HS6ST2: variants seen among roughly 807,000 people sequenced by gnomAD.
HS6ST2 encodes heparan-sulfate 6-O-sulfotransferase 2.
A neutral mutation model predicts 33.0 loss-of-function variants in HS6ST2; 17 were observed. That is an observed-to-expected ratio of 0.52 (90% CI 0.35 to 0.77). The LOEUF (loss-of-function observed/expected upper bound fraction) is 0.77, where lower values mean the gene tolerates loss of function less well. Among genes scored for constraint, HS6ST2 ranks in the 30% least tolerant of loss-of-function variants. HS6ST2 has a pLI of 0.01. For synonymous variants in HS6ST2, 248 were observed against 237.1 expected, an observed-to-expected ratio of 1.05 and a Z score of -0.42; for missense variants, 519 against 551.7, an observed-to-expected ratio of 0.94 and a Z score of 0.59.
At chrX:132,881,420 G>A (rs1326045880) in intron 2 of HS6ST2, among the ~76,000 whole-genome samples, 1 of 111,931 alleles carries the variant, frequency 8.9e-6, no homozygotes, top group Non-Finnish European at 1.9e-5. Context: ...CTGCATAAAT[G>A]TCTTCTTTTG....
At chrX:132,797,671 T>A (rs1271263059) in intron 2 of HS6ST2, among the ~76,000 whole-genome samples, 1 of 110,527 alleles carries the variant, frequency 9.0e-6, no homozygotes, top group African/African-American at 3.3e-5. Flanking sequence ...GAAGAGCTGA[T>A]CTGAGTATTG....
chrX:132,683,046 C>G (rs1161516730), intron 3 of HS6ST2, among the ~76,000 whole-genome samples: 1 of 111,051 alleles, frequency 9.0e-6, no homozygotes, highest in Non-Finnish European at 1.9e-5. Flanking sequence ...CCAGGTAGGT[C>G]AAGGCTGCAG....
chrX:132,940,613 TCAAA>T lies in HS6ST2; in HGVS notation c.947+16191_947+16194del, dbSNP rs1372698157. On this transcript the variant is annotated intron_variant, in intron 2 of 4. Transcript: ENST00000370833. ...AAAAGAAATAACACAATTAAGAATG[TCAAA>T]CAACCTGTATAGATATTTCTCCAGA... 2.7e-4 allele frequency among the ~76,000 whole-genome samples: 30 copies of T among 111,798 alleles called. No individual in the cohort carries two copies. The South Asian group carries it at 0.011, about 41-fold the overall frequency.
intron 2 of HS6ST2, among the ~76,000 whole-genome samples, chrX:132,873,329 T>C (rs2066081955): frequency 8.9e-6 from 1 of 111,830 alleles, no homozygotes; most frequent in Non-Finnish European, 1.9e-5. Flanking sequence ...AACTAAGTTA[T>C]TCTATGGGTG....
intron 2 of HS6ST2, among the ~76,000 whole-genome samples, chrX:132,759,341 A>T (rs1294318041): frequency 9.0e-6 from 1 of 111,504 alleles, no homozygotes; most frequent in Non-Finnish European, 1.9e-5. Flanking sequence ...TTTTCACTTC[A>T]CTCTCTGATA....
chrX:132,873,158 T>G (rs1400650106), intron 2 of HS6ST2, among the ~76,000 whole-genome samples: 4 of 112,064 alleles, frequency 3.6e-5, no homozygotes, highest in Admixed American at 9.5e-5. Flanking sequence ...CAAGTCTACA[T>G]GAGGCACTAA....
chrX:132,730,302 G>A (rs1213247701), intron 2 of HS6ST2, among the ~76,000 whole-genome samples: 1 of 111,805 alleles, frequency 8.9e-6, no homozygotes, highest in Non-Finnish European at 1.9e-5. Flanking sequence ...TGAGCCACCC[G>A]CTCAGTGCCT....
intron 3 of HS6ST2, among the ~76,000 whole-genome samples, chrX:132,690,665 A>G (rs1253858760): frequency 8.9e-6 from 1 of 112,096 alleles, no homozygotes; most frequent in Non-Finnish European, 1.9e-5. Context: ...CTGACTTTAA[A>G]TCTTCCATTG....
chrX:132,734,406 G>GA lies in HS6ST2; in HGVS notation c.948-25913dup, dbSNP rs1292980693. 6.4e-5 allele frequency among the ~76,000 whole-genome samples: 7 copies of GA among 110,028 alleles called. 2 individuals carry two copies. The Admixed American group carries it at 6.8e-4, about 11-fold the overall frequency. On this transcript the variant is annotated intron_variant, in intron 2 of 4. Coordinates refer to ENST00000370833, the MANE Select transcript of HS6ST2 (RefSeq NM_001394073.1). Reference sequence around the variant, plus strand: ...AAGACCTAGCAACGAAGAAAAGCAGGAAAAAAAATCACAGAAATAACATAT... The same window carrying GA: ...AAGACCTAGCAACGAAGAAAAGCAGGAAAAAAAAATCACAGAAATAACATAT...
intron 2 of HS6ST2, among the ~76,000 whole-genome samples, chrX:132,749,934 A>T (rs765195129): frequency 9.0e-6 from 1 of 111,385 alleles, no homozygotes; most frequent in Non-Finnish European, 1.9e-5. Context: ...CTCTATACCA[A>T]TAGGAAAGGG....
chrX:132,860,965 A>AT (rs1239667473), intron 2 of HS6ST2, among the ~76,000 whole-genome samples: 1 of 107,513 alleles, frequency 9.3e-6, no homozygotes, highest in Non-Finnish European at 1.9e-5. Context: ...TAATTTTTGT[A>AT]TTTTTTTAGT....
chrX:132,940,301 A>G (rs2066873337), intron 2 of HS6ST2, among the ~76,000 whole-genome samples: 1 of 112,434 alleles, frequency 8.9e-6, no homozygotes, highest in African/African-American at 3.2e-5. Flanking sequence ...CACAAAAATT[A>G]ACCTGAAATA....
chrX:132,637,878 A>ATTATATATAAT (rs1218862211), intron 4 of HS6ST2, among the ~76,000 whole-genome samples: 1 of 43,071 alleles, frequency 2.3e-5, no homozygotes, highest in African/African-American at 2.7e-4. Context: ...TATATATAAT[A>ATTATATATAAT]TATATATAAT....
intron 2 of HS6ST2, 138 bp from the exon 3 acceptor site, chrX:132,708,632 T>C (rs1455067771): frequency 1.9e-6 from 1 of 518,062 alleles, no homozygotes; most frequent in East Asian, 4.0e-5. Context: ...CATAGATGGC[T>C]TCTCCACTTT....
chrX:132,820,223 G>C (rs912036150), intron 2 of HS6ST2, among the ~76,000 whole-genome samples: 2 of 110,434 alleles, frequency 1.8e-5, no homozygotes, highest in East Asian at 5.7e-4. Flanking sequence ...TTTTAAGAGA[G>C]AGTTTGAGAG....
At chrX:132,931,218 G>A (rs948710485) in intron 2 of HS6ST2, among the ~76,000 whole-genome samples, 2 of 111,491 alleles carry the variant, frequency 1.8e-5, no homozygotes, top group Non-Finnish European at 3.8e-5. Context: ...AGTACAGGTG[G>A]GTGTGGACAA....
intron 2 of HS6ST2, among the ~76,000 whole-genome samples, chrX:132,793,811 G>A (rs1384164204): frequency 1.8e-5 from 2 of 112,347 alleles, no homozygotes; most frequent in Non-Finnish European, 3.7e-5. Flanking sequence ...AAAAGCAATC[G>A]AAATCTCACT....
intron 2 of HS6ST2, among the ~76,000 whole-genome samples, chrX:132,746,100 G>A (rs890045619): frequency 2.7e-5 from 3 of 111,468 alleles, no homozygotes; most frequent in Middle Eastern, 4.7e-3. Flanking sequence ...AGGATCCTAC[G>A]GTACACGGCT....
chrX:132,631,615 AAAAG>A (rs1305326394), intron 4 of HS6ST2, among the ~76,000 whole-genome samples: 1 of 110,695 alleles, frequency 9.0e-6, no homozygotes, highest in Non-Finnish European at 1.9e-5. Flanking sequence ...GAAAAAAAAA[AAAAG>A]AAATTTATTA....
Sources: allele counts gnomAD v4.1 joint callset (sites outside exome capture counted in the v4.1 genomes callset), GRCh38; gene constraint gnomAD v4.1.1; transcripts MANE v1.5; gene names NCBI Gene and HGNC (gene_info 2026-07-23, HGNC 2026-07-21).